The following GPC6 variants were observed in gnomAD, a reference collection of about 807,000 sequenced individuals.
GPC6 encodes glypican 6.
GPC6 carries 14 observed loss-of-function variants against 55.2 expected under a neutral mutation model. The observed-to-expected ratio is 0.25, with a 90% CI of 0.17 to 0.40. The LOEUF is 0.40. GPC6 is among the 10% of genes least tolerant of loss of function. The probability of loss-of-function intolerance (pLI) is 1.00; values close to 1 mark genes in which losing one functional copy is unlikely to be tolerated. For synonymous variants in GPC6, 278 were observed against 259.6 expected (o/e 1.07, Z -0.68); for missense variants, 641 against 708.5 (o/e 0.90, Z 1.08).
intron 3 of GPC6, among the ~76,000 whole-genome samples, chr13:93,857,916 A>T (rs1015624682): frequency 6.6e-6 from 1 of 151,580 alleles, no homozygotes; most frequent in Admixed American, 6.6e-5. Context: ...TGGGCCATAG[A>T]TAATGGGGAA....
rs75128694 is a variant in GPC6 at position 93,232,615 on chromosome 13, G to A, written c.160+4999G>A. ...GCATTGTATCTTAATAATAGCTTGTGAGTAGAAATATAGGCCACTGTCAAA... is the reference window on the plus strand; with the variant it reads ...GCATTGTATCTTAATAATAGCTTGTAAGTAGAAATATAGGCCACTGTCAAA... On this transcript the variant is annotated intron_variant, in intron 1 of 8. Coordinates refer to ENST00000377047, the MANE Select transcript of GPC6 (RefSeq NM_005708.5). Among the ~76,000 whole-genome samples, 63 of 152,252 alleles carry A rather than the reference G, an allele frequency of 4.1e-4. No homozygotes were observed. The East Asian group carries it at 0.011, about 27-fold the overall frequency.
At chr13:93,483,392 G>T (rs983498570) in intron 1 of GPC6, among the ~76,000 whole-genome samples, 3 of 151,864 alleles carry the variant, frequency 2.0e-5, no homozygotes, top group African/African-American at 7.3e-5. Context: ...AGTACTTACT[G>T]GTTTGATATA....
intron 2 of GPC6, among the ~76,000 whole-genome samples, chr13:93,735,643 A>G (rs1176832730): frequency 6.6e-6 from 1 of 152,180 alleles, no homozygotes; most frequent in Non-Finnish European, 1.5e-5. Context: ...CTGAAAAGCT[A>G]GATACACTTC....
At chr13:94,170,623 C>T (rs541201336) in intron 4 of GPC6, among the ~76,000 whole-genome samples, 1 of 152,308 alleles carries the variant, frequency 6.6e-6, no homozygotes, top group Admixed American at 6.5e-5. Flanking sequence ...AGTATTAACT[C>T]TTTGCTATCC....
chr13:93,347,295 T>C (rs1880463682), intron 1 of GPC6, among the ~76,000 whole-genome samples: 1 of 152,186 alleles, frequency 6.6e-6, no homozygotes, highest in African/African-American at 2.4e-5. Flanking sequence ...CAGAAAGAAA[T>C]AATGTCTTCA....
At chr13:93,470,379 A>G (rs1879065709) in intron 1 of GPC6, among the ~76,000 whole-genome samples, 1 of 152,184 alleles carries the variant, frequency 6.6e-6, no homozygotes, top group Non-Finnish European at 1.5e-5. Context: ...TGGTAAAATC[A>G]TAAGGGATTT....
chr13:93,721,731 T>A (rs982533537), intron 2 of GPC6, among the ~76,000 whole-genome samples: 1 of 151,774 alleles, frequency 6.6e-6, no homozygotes, highest in Non-Finnish European at 1.5e-5. Context: ...CCTTAGTCCT[T>A]ATGTGTCTGT....
intron 4 of GPC6, among the ~76,000 whole-genome samples, chr13:94,271,364 ACACGCGCGCG>A (rs1480804154): frequency 2.2e-5 from 2 of 91,784 alleles, no homozygotes; most frequent in Non-Finnish European, 4.5e-5. Context: ...ATACACACAC[ACACGCGCGCG>A]CGCGCGCGCA....
intron 7 of GPC6, among the ~76,000 whole-genome samples, chr13:94,398,110 T>C (rs1299251874): frequency 6.6e-6 from 1 of 152,126 alleles, no homozygotes; most frequent in African/African-American, 2.4e-5. Flanking sequence ...CCTCTTTTTC[T>C]TTCTAAATTA....
intron 1 of GPC6, among the ~76,000 whole-genome samples, chr13:93,472,863 A>G (rs1311909811): frequency 6.6e-6 from 1 of 152,170 alleles, no homozygotes; most frequent in East Asian, 1.9e-4. Flanking sequence ...AGCTTTACTG[A>G]GCAACAGAAC....
intron 2 of GPC6, among the ~76,000 whole-genome samples, chr13:93,722,645 G>C (rs1262869000): frequency 6.6e-6 from 1 of 151,728 alleles, no homozygotes; most frequent in Non-Finnish European, 1.5e-5. Context: ...CAATTCCTAG[G>C]ACTACCATAG....
At chr13:94,239,563 A>G (rs1890989052) in intron 4 of GPC6, among the ~76,000 whole-genome samples, 2 of 152,266 alleles carry the variant, frequency 1.3e-5, no homozygotes, top group South Asian at 2.1e-4. Flanking sequence ...CATTTTAGAT[A>G]CATTTTAGGG....
chr13:93,812,432 A>T (rs1390013873), intron 2 of GPC6, among the ~76,000 whole-genome samples: 1 of 152,114 alleles, frequency 6.6e-6, no homozygotes, highest in Non-Finnish European at 1.5e-5. Flanking sequence ...ACTAGCCCAC[A>T]TATAGGGGAA....
At chr13:93,941,186 TA>T (rs562314139) in intron 3 of GPC6, among the ~76,000 whole-genome samples, 3,665 of 151,980 alleles carry the variant, frequency 0.024, 57 homozygotes, top group Middle Eastern at 0.051. Context: ...TATCCAGTAA[TA>T]AAAAAAACCC....
chr13:93,275,948 C>G (rs1173498042), intron 1 of GPC6, among the ~76,000 whole-genome samples: 1 of 152,160 alleles, frequency 6.6e-6, no homozygotes, highest in Non-Finnish European at 1.5e-5. Context: ...GATCTCGGCT[C>G]ATGGCAAGCT....
intron 7 of GPC6, among the ~76,000 whole-genome samples, chr13:94,388,857 T>C (rs12323067): frequency 0.15 from 22,134 of 152,144 alleles, 2,108 homozygotes; most frequent in East Asian, 0.27. Flanking sequence ...AAAGGCCCTA[T>C]CTCCAGGTAC....
At chr13:94,312,907 C>T (rs1876328652) in intron 6 of GPC6, among the ~76,000 whole-genome samples, 1 of 152,154 alleles carries the variant, frequency 6.6e-6, no homozygotes, top group East Asian at 1.9e-4. Context: ...TCCCATTCAC[C>T]CCAGCAAACA....
intron 3 of GPC6, among the ~76,000 whole-genome samples, chr13:93,881,124 T>G (rs2183428): frequency 1 from 151,769 of 152,210 alleles, 75,666 homozygotes; most frequent in Middle Eastern, 1. Context: ...GGTGATGCAA[T>G]TTCGTTTCTT....
chr13:93,925,178 A>G (rs1594592720), intron 3 of GPC6, among the ~76,000 whole-genome samples: 1 of 152,200 alleles, frequency 6.6e-6, no homozygotes, highest in Non-Finnish European at 1.5e-5. Flanking sequence ...GGCGCTGAAG[A>G]TCATTGAGAT....
Sources: allele counts gnomAD v4.1 joint callset (sites outside exome capture counted in the v4.1 genomes callset), GRCh38; gene constraint gnomAD v4.1.1; transcripts MANE v1.5; gene names NCBI Gene and HGNC (gene_info 2026-07-23, HGNC 2026-07-21).